Variants in CDH12 observed in about 807,000 individuals in gnomAD.
CDH12 encodes cadherin 12, also known as cadherin-12.
CDH12 carries 41 observed loss-of-function variants against 74.1 expected under a neutral mutation model. The ratio of observed to expected loss-of-function variants is 0.55; its 90% confidence interval spans 0.43 to 0.72. The LOEUF is 0.72. Among genes scored for constraint, CDH12 ranks in the 30% least tolerant of loss-of-function variants. The pLI is 0.00. For synonymous variants in CDH12, 399 were observed against 355.0 expected (o/e 1.12, Z -1.39); for missense variants, 945 against 977.2 (o/e 0.97, Z 0.44).
Position 21,755,710 on chromosome 5 carries a change from A to C in CDH12, c.1766T>G (p.Val589Gly). 6.2e-7 allele frequency: 1 copy of C among 1,613,980 alleles called. No homozygotes were observed. Among genetic ancestry groups the C allele is most frequent in the Non-Finnish European group, 8.5e-7 (1 of 1,179,992 alleles). ...QSSTNTMTIR[V>G]CRCDSDGTIL... ...GGTGCCATCAGAGTCACATCTACAG[A>C]CTCGAATAGTCATTGTGTTTGTGCT... The change falls in exon 14 of 15, where the codon GTC becomes GGC. Residue 589 changes from valine to glycine, a missense_variant. By Grantham distance (109) the Val-to-Gly change is moderately radical. Transcript: ENST00000382254.
Position 22,043,153 on chromosome 5 carries a change from T to C in CDH12, c.231+35293A>G, listed in dbSNP as rs78515953. On this transcript the variant is annotated intron_variant, in intron 5 of 14. Coordinates refer to ENST00000382254, the MANE Select transcript of CDH12 (RefSeq NM_004061.5). ...TGAAGACACAACCACAACAAAAAAA[T>C]TACCGGCCAATATTCCTGATAAGTA... is the stretch of plus-strand genomic sequence containing the variant. Among the ~76,000 whole-genome samples the C allele has an allele frequency of 1.6e-3, 247 of 152,054 alleles. 3 individuals carry two copies. The East Asian group carries it at 0.038, about 24-fold the overall frequency.
At chr5:21,910,401 G>A (rs888562102) in intron 6 of CDH12, among the ~76,000 whole-genome samples, 9 of 152,050 alleles carry the variant, frequency 5.9e-5, no homozygotes, top group South Asian at 2.1e-4. Flanking sequence ...AGACAGTGAC[G>A]CCGCACCTGC....
intron 1 of CDH12, among the ~76,000 whole-genome samples, chr5:22,526,064 C>T (rs1051934967): frequency 3.9e-5 from 6 of 151,960 alleles, no homozygotes; most frequent in Middle Eastern, 3.2e-3. Flanking sequence ...TTCTCAAAGC[C>T]GAAAGAGTCT....
intron 3 of CDH12, among the ~76,000 whole-genome samples, chr5:22,391,109 C>T (rs1561368047): frequency 6.6e-6 from 1 of 152,064 alleles, no homozygotes; most frequent in East Asian, 1.9e-4. Flanking sequence ...TAAGGTGGTG[C>T]TGGGAACAGA....
intron 4 of CDH12, among the ~76,000 whole-genome samples, chr5:22,108,929 A>G (rs188325465): frequency 1.0e-3 from 153 of 152,338 alleles, no homozygotes; most frequent in African/African-American, 3.6e-3. Context: ...TAAAAATATT[A>G]CAGATTTGAT....
At chr5:22,502,730 A>C (rs1455865401) in intron 2 of CDH12, among the ~76,000 whole-genome samples, 3 of 151,906 alleles carry the variant, frequency 2.0e-5, no homozygotes, top group Non-Finnish European at 4.4e-5. Flanking sequence ...CTAAAACAAC[A>C]AAACACAGCT....
At chr5:22,430,297 G>T (rs1227331134) in intron 2 of CDH12, among the ~76,000 whole-genome samples, 1 of 151,824 alleles carries the variant, frequency 6.6e-6, no homozygotes, top group African/African-American at 2.4e-5. Flanking sequence ...TGAACCTCAC[G>T]GTACACATCA....
intron 6 of CDH12, among the ~76,000 whole-genome samples, chr5:21,910,942 T>A (rs1165781462): frequency 6.6e-6 from 1 of 152,176 alleles, no homozygotes; most frequent in Non-Finnish European, 1.5e-5. Context: ...GCAATTTCTG[T>A]CTCTGGAATA....
At chr5:21,854,131 A>G (rs899866035) in intron 7 of CDH12, among the ~76,000 whole-genome samples, 2 of 151,708 alleles carry the variant, frequency 1.3e-5, no homozygotes, top group Non-Finnish European at 3.0e-5. Flanking sequence ...GCTATTTTTC[A>G]ATTAACAATG....
At chr5:22,749,554 T>C (rs142026578) in intron 1 of CDH12, among the ~76,000 whole-genome samples, 381 of 152,304 alleles carry the variant, frequency 2.5e-3, no homozygotes, top group Admixed American at 4.2e-3. Context: ...AAATAACTTA[T>C]ATATTTCTAA....
In CDH12 at chr5:21,847,770, T is replaced by C. The variant is rs1321636592; in HGVS notation, c.647-5442A>G. Among the ~76,000 whole-genome samples the C allele has an allele frequency of 5.3e-5, 8 of 152,256 alleles. No individual in the cohort carries two copies. The South Asian group carries it at 1.7e-3, about 32-fold the overall frequency. On this transcript the variant is annotated intron_variant, in intron 7 of 14. Coordinates refer to ENST00000382254, the MANE Select transcript of CDH12 (RefSeq NM_004061.5). ...ATGGACATACTTGGGCAATCACTGT[T>C]CTGTCTAGCATACATACTCTTCCTT...
intron 3 of CDH12, among the ~76,000 whole-genome samples, chr5:22,273,885 T>A (rs569611057): frequency 2.6e-5 from 4 of 152,186 alleles, no homozygotes; most frequent in Non-Finnish European, 4.4e-5. Flanking sequence ...AAGCATTCTA[T>A]CTTTTCTCAT....
intron 2 of CDH12, among the ~76,000 whole-genome samples, chr5:22,497,638 C>CTTTTTTTT (rs747466944): frequency 3.6e-5 from 3 of 83,232 alleles, no homozygotes; most frequent in African/African-American, 4.7e-5. Flanking sequence ...TGTCGAATCT[C>CTTTTTTTT]TTTTTTTTTT....
At chr5:22,716,985 C>T (rs940905541) in intron 1 of CDH12, among the ~76,000 whole-genome samples, 20 of 152,024 alleles carry the variant, frequency 1.3e-4, no homozygotes, top group Admixed American at 6.6e-4. Context: ...AAGCTAAGTG[C>T]TATTACAAGA....
intron 11 of CDH12, among the ~76,000 whole-genome samples, chr5:21,775,507 C>T (rs1340152382): frequency 6.6e-6 from 1 of 152,132 alleles, no homozygotes; most frequent in African/African-American, 2.4e-5. Flanking sequence ...CCTCAGCCTC[C>T]TCTCTGAATG....
intron 1 of CDH12, among the ~76,000 whole-genome samples, chr5:22,644,555 G>T (rs1561548345): frequency 6.6e-6 from 1 of 151,948 alleles, no homozygotes. Context: ...GCACAGGTTG[G>T]TTCATGAGGT....
At chr5:22,835,614 G>A (rs565703473) in intron 1 of CDH12, among the ~76,000 whole-genome samples, 1 of 152,140 alleles carries the variant, frequency 6.6e-6, no homozygotes, top group African/African-American at 2.4e-5. Context: ...TTTTTCTATG[G>A]TATTATTTTA....
intron 4 of CDH12, among the ~76,000 whole-genome samples, chr5:22,178,925 C>A (rs1193697516): frequency 6.6e-6 from 1 of 152,264 alleles, no homozygotes; most frequent in Non-Finnish European, 1.5e-5. Flanking sequence ...TATTTTAACT[C>A]TGAAAAGACA....
chr5:22,143,888 C>T (rs1746979208), intron 4 of CDH12: 1 of 151,942 alleles, frequency 6.6e-6, no homozygotes, highest in Admixed American at 6.6e-5. Context: ...TTTTACTTTT[C>T]AGAGGATTTG....
Sources: gnomAD v4.1 joint callset for allele counts (sites outside exome capture counted in the v4.1 genomes callset) on GRCh38, gnomAD v4.1.1 for gene constraint, MANE v1.5 for transcripts, NCBI Gene and HGNC (gene_info 2026-07-23, HGNC 2026-07-21) for gene names.